INPP4B: variants seen among roughly 807,000 people sequenced by gnomAD.
INPP4B encodes inositol polyphosphate 4-phosphatase type II.
A neutral mutation model predicts 122.5 loss-of-function variants in INPP4B; 55 were observed. The ratio of observed to expected loss-of-function variants is 0.45; its 90% CI spans 0.36 to 0.56. INPP4B has a LOEUF of 0.56. Among genes scored for constraint, INPP4B ranks in the 20% least tolerant of loss-of-function variants. The pLI is 0.00. For missense variants in INPP4B, 1,000 were observed against 1,097.7 expected, an observed-to-expected ratio of 0.91 and a Z score of 1.26; for synonymous variants, 403 against 388.7, an observed-to-expected ratio of 1.04 and a Z score of -0.43.
chr4:142,525,880 T>C (rs13133295), intron 2 of INPP4B, among the ~76,000 whole-genome samples: 5,176 of 151,368 alleles, frequency 0.034, 101 homozygotes, highest in Middle Eastern at 0.1. Context: ...AAAGACAAAA[T>C]TGACAAATGG....
chr4:142,282,599 G>C (rs895031905), intron 9 of INPP4B, among the ~76,000 whole-genome samples: 3 of 152,032 alleles, frequency 2.0e-5, no homozygotes, highest in Non-Finnish European at 4.4e-5. Context: ...ATTTTCTTGT[G>C]GCTTTAAGAC....
intron 12 of INPP4B, among the ~76,000 whole-genome samples, chr4:142,220,966 C>T (rs1347669460): frequency 6.6e-6 from 1 of 152,052 alleles, no homozygotes; most frequent in Non-Finnish European, 1.5e-5. Flanking sequence ...CTTTAAAGAC[C>T]CTGTCTCCAA....
chr4:142,319,988 G>A lies in INPP4B; in HGVS notation c.373-5226C>T, dbSNP rs28397910. On this transcript the variant is annotated intron_variant, in intron 7 of 25. Transcript: ENST00000262992. Reference sequence around the variant, plus strand: ...GTGTCAGCTGGCTGTGTCCTCATTTGGAGGCTTCACTGGAGAAAAATGTGC... The same window carrying A: ...GTGTCAGCTGGCTGTGTCCTCATTTAGAGGCTTCACTGGAGAAAAATGTGC... Among the ~76,000 whole-genome samples, 559 of 152,228 alleles carry A rather than the reference G, an allele frequency of 3.7e-3. 1 individual carries two copies. Among genetic ancestry groups the A allele is most frequent in the African/African-American group, 0.013 (531 of 41,522 alleles).
chr4:142,200,719 A>G (rs1840279949), intron 14 of INPP4B, among the ~76,000 whole-genome samples: 1 of 152,022 alleles, frequency 6.6e-6, no homozygotes, highest in Non-Finnish European at 1.5e-5. Context: ...GAAAAACAAT[A>G]AGCACACTTA....
chr4:142,084,748 A>G (rs1447939051), intron 24 of INPP4B, among the ~76,000 whole-genome samples: 1 of 152,172 alleles, frequency 6.6e-6, no homozygotes, highest in African/African-American at 2.4e-5. Flanking sequence ...TTTTTCATAC[A>G]TTAAAATGGG....
intron 1 of INPP4B, among the ~76,000 whole-genome samples, chr4:142,832,548 A>G (rs371178893): frequency 6.6e-6 from 1 of 152,216 alleles, no homozygotes; most frequent in Non-Finnish European, 1.5e-5. Context: ...CTTCATAACC[A>G]CAAGGGAGAA....
At chr4:142,111,515 T>G (rs960290998) in intron 22 of INPP4B, among the ~76,000 whole-genome samples, 1 of 151,894 alleles carries the variant, frequency 6.6e-6, no homozygotes, top group Admixed American at 6.6e-5. Context: ...CCCAGCTAAT[T>G]TTTGTATTTT....
chr4:142,328,277 T>C (rs1488560554), intron 7 of INPP4B, among the ~76,000 whole-genome samples: 2 of 152,202 alleles, frequency 1.3e-5, no homozygotes, highest in African/African-American at 4.8e-5. Context: ...AATTTCATTA[T>C]GTTGAGAGCT....
intron 9 of INPP4B, among the ~76,000 whole-genome samples, chr4:142,289,664 G>T (rs1300301351): frequency 1.3e-5 from 2 of 152,090 alleles, no homozygotes; most frequent in Admixed American, 6.5e-5. Context: ...AGTTTGCTAA[G>T]GATAATGGCA....
At chr4:142,709,239 T>G (rs796381396) in intron 2 of INPP4B, among the ~76,000 whole-genome samples, 12 of 152,314 alleles carry the variant, frequency 7.9e-5, no homozygotes, top group African/African-American at 2.9e-4. Flanking sequence ...TACAGGCTCA[T>G]AGGTGGAAAG....
chr4:142,525,954 C>T (rs561009056), intron 2 of INPP4B, among the ~76,000 whole-genome samples: 3 of 152,152 alleles, frequency 2.0e-5, no homozygotes, highest in African/African-American at 7.2e-5. Flanking sequence ...GAACAGGCAA[C>T]CTACAAAATG....
Position 142,654,799 on chromosome 4 carries a change from T to C in INPP4B, c.-191+71040A>G, listed in dbSNP as rs538351965. 3 of 152,326 alleles carry C rather than the reference T, an allele frequency of 2.0e-5. No individual in the cohort carries two copies. The East Asian group carries it at 5.8e-4, about 29-fold the overall frequency. The allele number at this position is 152,326 out of a possible 1,614,324, so 9.4% of individuals were successfully genotyped here. The stretch of plus-strand genomic sequence containing the variant: ...TTTTAAGGATATTTGAGAACTGTGT[T>C]CAGCAAGGAGGTGGTTAAAATAGTA... On this transcript the variant is annotated intron_variant, in intron 2 of 25. Transcript: ENST00000262992.
At chr4:142,732,808 T>C (rs1038800927) in intron 1 of INPP4B, among the ~76,000 whole-genome samples, 13 of 152,032 alleles carry the variant, frequency 8.6e-5, no homozygotes, top group Non-Finnish European at 1.8e-4. Context: ...CCAGTAGTCT[T>C]TTTTTAATAT....
At chr4:142,713,529 TCTG>T (rs1184448031) in intron 2 of INPP4B, among the ~76,000 whole-genome samples, 1 of 152,198 alleles carries the variant, frequency 6.6e-6, no homozygotes, top group Non-Finnish European at 1.5e-5. Flanking sequence ...AGTCTACTCT[TCTG>T]AGAAATACTT....
At chr4:142,048,223 T>C (rs1352072020) in intron 25 of INPP4B, among the ~76,000 whole-genome samples, 1 of 152,104 alleles carries the variant, frequency 6.6e-6, no homozygotes, top group Non-Finnish European at 1.5e-5. Flanking sequence ...GTCTGTGCTC[T>C]TAACAACTGT....
At chr4:142,523,359 G>A (rs1173066743) in intron 2 of INPP4B, among the ~76,000 whole-genome samples, 1 of 152,056 alleles carries the variant, frequency 6.6e-6, no homozygotes, top group African/African-American at 2.4e-5. Context: ...GAGACACAAG[G>A]TGAACATGAT....
At position 142,026,399 on chromosome 4, in the gene INPP4B, T is replaced by TAATGA. The variant is rs1312501132; in HGVS notation, c.*2378_*2382dup. On this transcript the variant is annotated 3_prime_UTR_variant, in exon 26 of 26. Coordinates refer to ENST00000262992, the MANE Select transcript of INPP4B (RefSeq NM_001101669.3). ...TATAAGGAAATGCAGATGACTATGG[T>TAATGA]AATGAATGAAAATTCATAAGCATTT... 6.6e-6 allele frequency: 1 copy of TAATGA among 152,232 alleles called. No homozygotes were observed. Among genetic ancestry groups the TAATGA allele is most frequent in the Admixed American group, 6.5e-5 (1 of 15,278 alleles). The allele number at this position is 152,232 out of a possible 1,614,324, so 9.4% of individuals were successfully genotyped here.
chr4:142,367,612 C>T (rs577953470), intron 7 of INPP4B, among the ~76,000 whole-genome samples: 1 of 152,176 alleles, frequency 6.6e-6, no homozygotes, highest in Admixed American at 6.6e-5. Context: ...TGCCAAGACT[C>T]AAATCTAGAT....
At chr4:142,222,007 T>G (rs1484616313) in intron 12 of INPP4B, among the ~76,000 whole-genome samples, 4 of 152,200 alleles carry the variant, frequency 2.6e-5, no homozygotes, top group African/African-American at 9.6e-5. Context: ...TCACCCAGGC[T>G]GGAGTGCAAT....
Sources: gnomAD v4.1 joint callset for allele counts (sites outside exome capture counted in the v4.1 genomes callset) on GRCh38, gnomAD v4.1.1 for gene constraint, MANE v1.5 for transcripts, NCBI Gene and HGNC (gene_info 2026-07-23, HGNC 2026-07-21) for gene names.